MINDY4: variants seen among roughly 807,000 people sequenced by gnomAD.
The protein encoded by MINDY4 is MINDY lysine 48 deubiquitinase 4.
A neutral mutation model predicts 87.0 loss-of-function variants in MINDY4; 68 were observed. The observed-to-expected ratio is 0.78, with a 90% CI of 0.64 to 0.96. The LOEUF (loss-of-function observed/expected upper bound fraction) is 0.96, where lower values mean the gene tolerates loss of function less well. Ranked by LOEUF, MINDY4 falls within the 40% of genes least tolerant of loss-of-function variation. MINDY4 has a pLI of 0.00. For missense variants in MINDY4, 919 were observed against 928.2 expected (o/e 0.99, Z 0.13); for synonymous variants, 379 against 363.2 (o/e 1.04, Z -0.50).
At chr7:30,834,534 C>T (rs1788802787) in intron 6 of MINDY4, among the ~76,000 whole-genome samples, 1 of 152,210 alleles carries the variant, frequency 6.6e-6, no homozygotes, top group Non-Finnish European at 1.5e-5. Context: ...CTCTGACATG[C>T]CCTGGAGACG....
chr7:30,811,002 A>G (rs1180905917), intron 5 of MINDY4, among the ~76,000 whole-genome samples: 3 of 152,206 alleles, frequency 2.0e-5, no homozygotes, highest in African/African-American at 7.2e-5. Context: ...AACTAAAAGT[A>G]TTTTAGCACA....
chr7:30,810,174 C>CATAAAA (rs1787941320), intron 5 of MINDY4, among the ~76,000 whole-genome samples: 1 of 66,700 alleles, frequency 1.5e-5, no homozygotes, highest in South Asian at 6.0e-4. Context: ...GACTCTGTTT[C>CATAAAA]AAAAAAAAAA....
chr7:30,854,289 G>GC (rs1789506295), intron 12 of MINDY4, among the ~76,000 whole-genome samples: 1 of 152,234 alleles, frequency 6.6e-6, no homozygotes, highest in Non-Finnish European at 1.5e-5. Flanking sequence ...CTGCCTCAGA[G>GC]CATCGCGCAG....
In MINDY4 at chr7:30,892,183, G is replaced by A. The variant is rs1790810923; in HGVS notation, c.*178G>A. On this transcript the variant is annotated 3_prime_UTR_variant, in exon 18 of 18. Coordinates refer to ENST00000265299, the MANE Select transcript of MINDY4 (RefSeq NM_032222.3). The stretch of plus-strand genomic sequence containing the variant: ...GAAGGGCCCACCCAAGACTGTGCTG[G>A]GGACCCAGTGTGTTGCTGGGTCCCC... 8.0e-6 allele frequency: 5 copies of A among 628,894 alleles called. No homozygotes were observed. Among genetic ancestry groups the A allele is most frequent in the Middle Eastern group, 4.2e-4 (1 of 2,358 alleles). 39.0% of individuals were successfully genotyped at this position (628,894 alleles called of 1,614,324 possible). A position where few individuals can be genotyped will look rare whatever the true frequency, so the allele number is the denominator to read the frequency against.
intron 5 of MINDY4, among the ~76,000 whole-genome samples, chr7:30,817,721 C>G (rs1308006529): frequency 6.6e-6 from 1 of 152,156 alleles, no homozygotes; most frequent in Non-Finnish European, 1.5e-5. Flanking sequence ...GAGGCTGAGA[C>G]TAGGGGCAAT....
chr7:30,821,603 A>T (rs1041333886), intron 5 of MINDY4, among the ~76,000 whole-genome samples: 2 of 152,192 alleles, frequency 1.3e-5, no homozygotes, highest in African/African-American at 4.8e-5. Context: ...TTCTATGAGA[A>T]TGCATGTCTG....
At chr7:30,863,268 C>T (rs1349059518) in intron 13 of MINDY4, among the ~76,000 whole-genome samples, 2 of 152,198 alleles carry the variant, frequency 1.3e-5, no homozygotes, top group Non-Finnish European at 2.9e-5. Context: ...AACTGCAGTT[C>T]AGCTGGAGAG....
chr7:30,860,379 A>G (rs1203829064), intron 13 of MINDY4, among the ~76,000 whole-genome samples: 2 of 152,082 alleles, frequency 1.3e-5, no homozygotes. Flanking sequence ...ACCTTATTAA[A>G]TGCGTGTGAG....
At chr7:30,816,796 A>C (rs1788163783) in intron 5 of MINDY4, among the ~76,000 whole-genome samples, 1 of 152,228 alleles carries the variant, frequency 6.6e-6, no homozygotes, top group African/African-American at 2.4e-5. Flanking sequence ...CAGGATTCCA[A>C]GCAGAGAGCT....
intron 5 of MINDY4, among the ~76,000 whole-genome samples, chr7:30,806,049 A>T (rs1408443127): frequency 6.6e-6 from 1 of 152,180 alleles, no homozygotes; most frequent in African/African-American, 2.4e-5. Context: ...CCAGGGCATT[A>T]CAAGTTCCTG....
intron 5 of MINDY4, among the ~76,000 whole-genome samples, chr7:30,806,133 C>A (rs1787798659): frequency 1.3e-5 from 2 of 152,110 alleles, no homozygotes; most frequent in Non-Finnish European, 1.5e-5. Context: ...AAATTTATTC[C>A]AATTAAGCAA....
chr7:30,797,727 A>T (rs1787532833), intron 5 of MINDY4, among the ~76,000 whole-genome samples: 1 of 152,134 alleles, frequency 6.6e-6, no homozygotes, highest in Non-Finnish European at 1.5e-5. Flanking sequence ...TTGTGTTTTA[A>T]TAGGGTCCCT....
At chr7:30,887,706 C>G (rs1342569253) in intron 17 of MINDY4, among the ~76,000 whole-genome samples, 2 of 152,242 alleles carry the variant, frequency 1.3e-5, no homozygotes, top group African/African-American at 4.8e-5. Context: ...CACCTGCCAC[C>G]TCCACCTGGA....
rs550366928 is a variant in MINDY4 at position 30,821,915 on chromosome 7, A to T, written c.1074-6764A>T. 4.6e-5 allele frequency among the ~76,000 whole-genome samples: 7 copies of T among 152,322 alleles called. No homozygotes were observed. In the South Asian group the frequency reaches 8.3e-4, roughly 18 times the overall value. On this transcript the variant is annotated intron_variant, in intron 5 of 17. Coordinates refer to ENST00000265299, the MANE Select transcript of MINDY4 (RefSeq NM_032222.3). ...AAAGCTTGAAAGAAGAGTACAATGA[A>T]TATCTGTAGACTTTTCACTTAAATT...
intron 5 of MINDY4, among the ~76,000 whole-genome samples, chr7:30,825,525 C>T (rs1161234684): frequency 5.9e-5 from 9 of 152,194 alleles, no homozygotes; most frequent in Admixed American, 5.9e-4. Flanking sequence ...CTGCGGTCTG[C>T]AGGAAGCCAT....
rs182706482 is a variant in MINDY4, at chr7:30,874,776, C to G, written c.1810-719C>G. Among the ~76,000 whole-genome samples the G allele has an allele frequency of 6.6e-3, 1,005 of 152,222 alleles. 11 individuals are homozygous for G. The highest frequency in any genetic ancestry group is 0.023 in the African/African-American group (941 of 41,524). Reference sequence around the variant, plus strand: ...TCGGCTTTCCCTGCCCTGTTAAAACCCCACCGTCACTAATGAAGTTCAAAC... The same window carrying G: ...TCGGCTTTCCCTGCCCTGTTAAAACGCCACCGTCACTAATGAAGTTCAAAC... On this transcript the variant is annotated intron_variant, in intron 14 of 17. Coordinates refer to ENST00000265299, the MANE Select transcript of MINDY4 (RefSeq NM_032222.3).
At position 30,836,737 on chromosome 7, in the gene MINDY4, AAAACCAATTGAC is replaced by A; in HGVS notation, c.1213_1224del (p.Lys405_Asp408del). ...CAGTGCTCAAGTTGCAGACAGCATC[AAAACCAATTGAC>A]CTCTCAGTAGCAAAGGTAAGTGTAA... On this transcript the variant is annotated inframe_deletion, in exon 7 of 18. Coordinates refer to ENST00000265299, the MANE Select transcript of MINDY4 (RefSeq NM_032222.3). The A allele has an allele frequency of 6.2e-7, 1 of 1,614,174 alleles. No homozygotes were observed. Among genetic ancestry groups the A allele is most frequent in the African/African-American group, 1.3e-5 (1 of 75,060 alleles).
chr7:30,861,762 T>C (rs1487839811), intron 13 of MINDY4, among the ~76,000 whole-genome samples: 1 of 152,232 alleles, frequency 6.6e-6, no homozygotes, highest in African/African-American at 2.4e-5. Context: ...GTGTGTCTTC[T>C]TGTGTTTCCT....
intron 17 of MINDY4, among the ~76,000 whole-genome samples, chr7:30,890,743 A>G (rs1327374223): frequency 6.6e-6 from 1 of 152,174 alleles, no homozygotes; most frequent in Non-Finnish European, 1.5e-5. Context: ...GCCGAAGCCT[A>G]GGAAAGAAAG....
Sources: gnomAD v4.1 joint callset for allele counts (sites outside exome capture counted in the v4.1 genomes callset) on GRCh38, gnomAD v4.1.1 for gene constraint, MANE v1.5 for transcripts, NCBI Gene and HGNC (gene_info 2026-07-23, HGNC 2026-07-21) for gene names.